The following SIRT6 variants were observed in gnomAD, a reference collection of about 807,000 sequenced individuals.
SIRT6 encodes the protein sirtuin 6.
SIRT6 carries 21 observed loss-of-function variants against 33.6 expected under a neutral mutation model. That is an observed-to-expected ratio of 0.62 (90% CI 0.44 to 0.90). The LOEUF (loss-of-function observed/expected upper bound fraction) is 0.90. SIRT6 is among the 40% of genes least tolerant of loss of function. SIRT6 has a pLI of 0.00. For missense variants in SIRT6, 504 were observed against 510.6 expected, an observed-to-expected ratio of 0.99 and a Z score of 0.12; for synonymous variants, 221 against 223.9, an observed-to-expected ratio of 0.99 and a Z score of 0.12.
chr19:4,180,803 G>A lies in SIRT6; in HGVS notation c.173C>T (p.Ala58Val), dbSNP rs1229376892. The A allele has an allele frequency of 1.2e-6, 2 of 1,612,912 alleles. No individual in the cohort carries two copies. Among genetic ancestry groups the A allele is most frequent in the Admixed American group, 3.3e-5 (2 of 59,914 alleles). ...AGACCTGAAGTCGGGGATGCCAGAG[G>A]CAGTGCTGATGCCGGCACCCGTGTG... ...VFHTGAGISTASGIPDFRGPH... is the reference protein window; with the variant it reads ...VFHTGAGISTVSGIPDFRGPH... Residue 58 changes from alanine (A) to valine (V), a missense_variant, in exon 2 of 8, where the codon GCC becomes GTC. Transcript: ENST00000337491.
At chr19:4,180,232 G>A (rs752548969) in intron 2 of SIRT6, among the ~76,000 whole-genome samples, 4 of 149,948 alleles carry the variant, frequency 2.7e-5, no homozygotes, top group Admixed American at 6.8e-5. Context: ...GGCCTTCCAA[G>A]TAGCTGCGAT....
In SIRT6 at chr19:4,174,700, C is replaced by A; in HGVS notation, c.985G>T (p.Ala329Ser). 2 of 1,463,440 alleles carry A rather than the reference C, an allele frequency of 1.4e-6. No individual in the cohort carries two copies. The highest frequency in any genetic ancestry group is 1.4e-5 in the South Asian group (1 of 69,698). 90.7% of individuals were successfully genotyped at this position (1,463,440 alleles called of 1,614,324 possible). Residue 329 changes from alanine (A) to serine (S), a missense_variant, in exon 8 of 8, where the codon GCC (alanine) becomes TCC (serine). Coordinates refer to ENST00000337491, the MANE Select transcript of SIRT6 (RefSeq NM_016539.4). This position sits in a 1 kb window ranked among gnomAD's most constrained non-coding sequence, Gnocchi z 4.2. The stretch of plus-strand genomic sequence containing the variant: ...GTGGGCCGCTCCCGTTTGGGGCTGG[C>A]GGGCTCTGAGCCGTTGTGCTGGGCG... ...PCAQHNGSEP[A>S]SPKRERPTSP... is the part of the protein sequence containing the mutation.
At chr19:4,180,443 G>A (rs570518320) in intron 2 of SIRT6, among the ~76,000 whole-genome samples, 1 of 152,192 alleles carries the variant, frequency 6.6e-6, no homozygotes, top group South Asian at 2.1e-4. Context: ...GAGTGCAGTG[G>A]TGCAATCTCG....
intron 3 of SIRT6, 128 bp downstream of exon 3, chr19:4,178,976 C>T: frequency 3.2e-6 from 4 of 1,253,426 alleles, no homozygotes; most frequent in Non-Finnish European, 3.3e-6. Flanking sequence ...CAGAGATCTC[C>T]ACACACTGGG....
In SIRT6 at chr19:4,182,495, C is replaced by T. The variant is rs2145189957; in HGVS notation, c.45G>A (p.Lys15=). 1 of 1,611,470 alleles carries T rather than the reference C, an allele frequency of 6.2e-7. No homozygotes were observed. Among genetic ancestry groups the T allele is most frequent in the Non-Finnish European group, 8.5e-7 (1 of 1,179,154 alleles). Residue 15 remains lysine (K), a synonymous_variant, in exon 1 of 8, where the codon AAG becomes AAA. Transcript: ENST00000337491. ...TCACCTCCGGGAGGCCGCACTTGCC[C>T]TTGTCCGCGTACGGCGACAGCCCCG... The part of the protein sequence containing the change: ...YAAGLSPYAD[K]GKCGLPEIFD...
At position 4,179,835 on chromosome 19, in the gene SIRT6, A is replaced by T. The variant is rs376117541; in HGVS notation, c.195-549T>A. Among the ~76,000 whole-genome samples the T allele has an allele frequency of 5.3e-5, 8 of 152,304 alleles. No individual in the cohort carries two copies. The East Asian group carries it at 1.5e-3, about 29-fold the overall frequency. ...TGGAGGAGGCTAAGCAGTTTCTTGA[A>T]GGGTGAGAGGGAAGATCAGACAGAA... On this transcript the variant is annotated intron_variant, in intron 2 of 7. Transcript: ENST00000337491.
At chr19:4,175,649 C>T (rs1421210481) in intron 6 of SIRT6, 31 bp downstream of exon 6, 7 of 1,476,880 alleles carry the variant, frequency 4.7e-6, no homozygotes, top group Admixed American at 2.5e-5. Context: ...CCCCGCCCCA[C>T]CATGGGCTCC....
At chr19:4,178,563 C>T (rs1445660583) in intron 3 of SIRT6, among the ~76,000 whole-genome samples, 1 of 152,040 alleles carries the variant, frequency 6.6e-6, no homozygotes, top group Non-Finnish European at 1.5e-5. Context: ...ATTAAAAACA[C>T]AACAGGCCAA....
intron 3 of SIRT6, among the ~76,000 whole-genome samples, chr19:4,178,809 G>A (rs1296862205): frequency 6.6e-6 from 1 of 152,198 alleles, no homozygotes; most frequent in South Asian, 2.1e-4. Flanking sequence ...TTGCACTCCA[G>A]CCTGGGCAAC....
At chr19:4,175,998 C>T in intron 4 of SIRT6, 61 bp from the exon 5 acceptor site, 1 of 1,458,012 alleles carries the variant, frequency 6.9e-7, no homozygotes, top group Non-Finnish European at 9.4e-7. Flanking sequence ...GACTCTCGCA[C>T]TGTTTCTAGG....
At chr19:4,179,521 A>G in intron 2 of SIRT6, 1 of 551,156 alleles carries the variant, frequency 1.8e-6, no homozygotes, top group Non-Finnish European at 3.2e-6. Context: ...AGACAAAGCA[A>G]GTCAGAGACA....
At position 4,179,163 on chromosome 19, in the gene SIRT6, G is replaced by A; in HGVS notation, c.318C>T (p.Leu106=). The change falls in exon 3 of 8, where the codon CTC becomes CTT. Residue 106 remains leucine, a synonymous_variant. Coordinates refer to ENST00000337491, the MANE Select transcript of SIRT6 (RefSeq NM_016539.4). ...CGTTCTGGCTGACCAGGAAGCGGAG[G>A]AGGCCCACGCGCTCCAGCTGCACCA... is the stretch of plus-strand genomic sequence containing the variant. ...MALVQLERVG[L]LRFLVSQNVD... is the part of the protein sequence containing the mutation. The A allele has an allele frequency of 6.2e-7, 1 of 1,612,450 alleles. No individual in the cohort carries two copies. The highest frequency in any genetic ancestry group is 8.5e-7 in the Non-Finnish European group (1 of 1,179,778).
chr19:4,176,129 A>G (rs755704761), intron 4 of SIRT6, among the ~76,000 whole-genome samples, 192 bp from the exon 5 acceptor site: 1 of 152,170 alleles, frequency 6.6e-6, no homozygotes, highest in Admixed American at 6.5e-5. Context: ...CGGAGCACAG[A>G]AAACAAAGCA....
chr19:4,179,833 G>C (rs1169922218), intron 2 of SIRT6, among the ~76,000 whole-genome samples: 2 of 152,188 alleles, frequency 1.3e-5, no homozygotes, highest in African/African-American at 4.8e-5. Flanking sequence ...GCAGTTTCTT[G>C]AAGGGTGAGA....
chr19:4,182,276 C>G, intron 1 of SIRT6, 198 bp downstream of exon 1: 1 of 562,182 alleles, frequency 1.8e-6, no homozygotes, highest in Non-Finnish European at 3.1e-6. Context: ...TCAGCCCCGA[C>G]AGGGTGACCA....
At chr19:4,179,837 G>T (rs575910418) in intron 2 of SIRT6, among the ~76,000 whole-genome samples, 1 of 152,176 alleles carries the variant, frequency 6.6e-6, no homozygotes, top group Non-Finnish European at 1.5e-5. Flanking sequence ...TTTCTTGAAG[G>T]GTGAGAGGGA....
chr19:4,177,543 C>T (rs1290002967), intron 3 of SIRT6, among the ~76,000 whole-genome samples: 1 of 151,940 alleles, frequency 6.6e-6, no homozygotes, highest in Admixed American at 6.6e-5. Context: ...GCATGAGATC[C>T]AATCCCAGCT....
intron 4 of SIRT6, 73 bp from the exon 5 acceptor site, chr19:4,176,010 T>C (rs1599359229): frequency 7.3e-7 from 1 of 1,367,560 alleles, no homozygotes; most frequent in Non-Finnish European, 1.0e-6. Context: ...GTTTCTAGGG[T>C]GACGTTCTCC....
intron 2 of SIRT6, among the ~76,000 whole-genome samples, chr19:4,180,283 T>C (rs945211820): frequency 3.0e-4 from 45 of 151,940 alleles, no homozygotes; most frequent in African/African-American, 1.0e-3. Context: ...CTTGCAAATA[T>C]GAAAGACTAC....
Sources: gnomAD v4.1 joint callset for allele counts (sites outside exome capture counted in the v4.1 genomes callset) on GRCh38, gnomAD v4.1.1 for gene constraint, Gnocchi (gnomAD v3.1) non-coding constraint, MANE v1.5 for transcripts, NCBI Gene and HGNC (gene_info 2026-07-23, HGNC 2026-07-21) for gene names.